Variants in AFAP1L2 observed in about 807,000 individuals in gnomAD.
AFAP1L2 encodes actin filament associated protein 1 like 2, also known as actin filament-associated protein 1-like 2.
AFAP1L2 carries 46 observed loss-of-function variants against 99.3 expected under a neutral mutation model. The observed-to-expected ratio is 0.46, with a 90% CI of 0.37 to 0.59. The LOEUF is 0.59. Ranked by LOEUF, AFAP1L2 falls within the 20% of genes least tolerant of loss-of-function variation. The pLI is 0.00. For synonymous variants in AFAP1L2, 397 were observed against 419.1 expected (o/e 0.95, Z 0.64); for missense variants, 959 against 1,034.9 (o/e 0.93, Z 1.01).
chr10:114,302,166 T>C (rs2041310457), intron 12 of AFAP1L2, 173 bp downstream of exon 12: 2 of 989,096 alleles, frequency 2.0e-6, no homozygotes, highest in Admixed American at 2.3e-5. Flanking sequence ...GCTCAGCTCC[T>C]GGCTCTTGGC....
chr10:114,359,149 G>T (rs4144104), intron 1 of AFAP1L2, among the ~76,000 whole-genome samples: 134,533 of 152,218 alleles, frequency 0.88, 61,162 homozygotes, highest in East Asian at 1. Flanking sequence ...AGACCACTGT[G>T]ATTAGGATTC....
In AFAP1L2 at chr10:114,304,895, A is replaced by C. The variant is rs1349253253; in HGVS notation, c.1108T>G (p.Ser370Ala). 1 of 1,613,268 alleles carries C rather than the reference A, an allele frequency of 6.2e-7. No homozygotes were observed. The highest frequency in any genetic ancestry group is 8.5e-7 in the Non-Finnish European group (1 of 1,180,000). The change falls in exon 11 of 19, where the codon TCT becomes GCT. Residue 370 changes from serine (S) to alanine (A), a missense_variant. Physicochemically the swap from Ser to Ala is moderately conservative, Grantham distance 99. Coordinates refer to ENST00000304129, the MANE Select transcript of AFAP1L2 (RefSeq NM_001001936.3). Reference sequence around the variant, plus strand: ...TTGTCCCTGACAGAGCACCAGCGAGACTTCCACTGGCTGTTCACCAGCACG... The same window carrying C: ...TTGTCCCTGACAGAGCACCAGCGAGCCTTCCACTGGCTGTTCACCAGCACG... ...LNVLVNSQWKSRWCSVRDNHL... is the reference protein window; with the variant it reads ...LNVLVNSQWKARWCSVRDNHL...
At chr10:114,305,764 C>T (rs1489779475) in intron 10 of AFAP1L2, among the ~76,000 whole-genome samples, 1 of 31,976 alleles carries the variant, frequency 3.1e-5, no homozygotes, top group Non-Finnish European at 5.8e-5. Flanking sequence ...ACGTACAGGA[C>T]TGGTCGGGGC....
chr10:114,332,929 T>C (rs1381141521), intron 3 of AFAP1L2, among the ~76,000 whole-genome samples: 2 of 152,240 alleles, frequency 1.3e-5, no homozygotes, highest in Non-Finnish European at 2.9e-5. Flanking sequence ...ACAGCTGCTT[T>C]CTTCGAACAT....
intron 1 of AFAP1L2, among the ~76,000 whole-genome samples, chr10:114,366,761 T>A (rs767011645): frequency 7.9e-5 from 12 of 151,746 alleles, no homozygotes; most frequent in Admixed American, 1.3e-4. Context: ...AGGTCAGGAG[T>A]TCAAGACCAG....
At chr10:114,403,098 A>G (rs2058376833) in intron 1 of AFAP1L2, among the ~76,000 whole-genome samples, 1 of 152,344 alleles carries the variant, frequency 6.6e-6, no homozygotes. Flanking sequence ...ACGTGATCCC[A>G]GTAGAATTTG....
intron 7 of AFAP1L2, among the ~76,000 whole-genome samples, chr10:114,313,413 A>C (rs1194893855): frequency 6.6e-6 from 1 of 151,818 alleles, no homozygotes; most frequent in Non-Finnish European, 1.5e-5. Context: ...CTGAGAACCA[A>C]TGCTGCCACC....
chr10:114,297,261 T>C lies in AFAP1L2; in HGVS notation c.2266A>G (p.Thr756Ala), dbSNP rs1296768290. The change falls in exon 17 of 19, where the codon ACC (threonine) becomes GCC (alanine). Residue 756 changes from threonine (T) to alanine (A), a missense_variant. By Grantham distance (58) the Thr-to-Ala change is moderately conservative. Coordinates refer to ENST00000304129, the MANE Select transcript of AFAP1L2 (RefSeq NM_001001936.3). ...KAEAGPVTLG[T>A]TVDTTHLENV... ...TCCAGGTGGGTGGTGTCCACGGTGG[T>C]GCCTAACGTCACAGGCCCTGCCTCA... 1 of 1,610,668 alleles carries C rather than the reference T, an allele frequency of 6.2e-7. No homozygotes were observed.
At chr10:114,378,966 C>T (rs184947700) in intron 1 of AFAP1L2, among the ~76,000 whole-genome samples, 36 of 152,286 alleles carry the variant, frequency 2.4e-4, no homozygotes, top group African/African-American at 7.9e-4. Context: ...AATCCCAGTA[C>T]TCTGGGAGGC....
At chr10:114,361,444 C>G (rs1041368649) in intron 1 of AFAP1L2, among the ~76,000 whole-genome samples, 7 of 152,166 alleles carry the variant, frequency 4.6e-5, no homozygotes, top group African/African-American at 1.7e-4. Flanking sequence ...TGTTCCCAAA[C>G]TCCGGGCACC....
intron 10 of AFAP1L2, chr10:114,305,213 G>C: frequency 3.0e-6 from 1 of 327,992 alleles, no homozygotes; most frequent in Non-Finnish European, 5.7e-6. Context: ...GGGGCTGCGG[G>C]AGGGCATGCA....
the AFAP1L2 span, chr10:114,288,793 A>G: frequency 1.3e-6 from 1 of 775,812 alleles, no homozygotes; most frequent in African/African-American, 1.7e-5. Flanking sequence ...TTCTGTGGCT[A>G]AAAGGAAGAC....
intron 2 of AFAP1L2, among the ~76,000 whole-genome samples, chr10:114,337,979 G>T (rs973522045): frequency 6.6e-6 from 1 of 152,192 alleles, no homozygotes; most frequent in Admixed American, 6.5e-5. Context: ...AGCACTCCCG[G>T]CGGCAGGCGG....
downstream of AFAP1L2, chr10:114,290,166 C>T: frequency 3.9e-6 from 6 of 1,528,642 alleles, no homozygotes; most frequent in Non-Finnish European, 5.3e-6. Context: ...CTCTACTGGG[C>T]TTACTTAGGG....
intron 5 of AFAP1L2, among the ~76,000 whole-genome samples, chr10:114,320,367 G>A (rs1338739468): frequency 1.3e-5 from 2 of 152,176 alleles, no homozygotes; most frequent in Non-Finnish European, 2.9e-5. Flanking sequence ...CGCTATGGCC[G>A]CCAACTATAG....
At chr10:114,351,543 G>A (rs1479924982) in intron 1 of AFAP1L2, among the ~76,000 whole-genome samples, 1 of 152,166 alleles carries the variant, frequency 6.6e-6, no homozygotes, top group Admixed American at 6.5e-5. Flanking sequence ...GCAATCCAAA[G>A]TGACCACCAC....
chr10:114,376,915 C>T (rs2054883556), intron 1 of AFAP1L2, among the ~76,000 whole-genome samples: 1 of 152,144 alleles, frequency 6.6e-6, no homozygotes, highest in Non-Finnish European at 1.5e-5. Context: ...TCACCACCCA[C>T]AGAGCCATGA....
At chr10:114,373,127 C>T (rs1309519994) in intron 1 of AFAP1L2, among the ~76,000 whole-genome samples, 1 of 152,142 alleles carries the variant, frequency 6.6e-6, no homozygotes, top group East Asian at 1.9e-4. Flanking sequence ...CCTGTGGTCC[C>T]AGCTACTCAG....
intron 1 of AFAP1L2, chr10:114,363,209 C>G: frequency 1.0e-6 from 1 of 980,460 alleles, no homozygotes; most frequent in Non-Finnish European, 1.2e-6. Flanking sequence ...GAAATGTATG[C>G]TGGACTTAGA....
Sources: gnomAD v4.1 joint callset for allele counts (sites outside exome capture counted in the v4.1 genomes callset) on GRCh38, gnomAD v4.1.1 for gene constraint, MANE v1.5 for transcripts, NCBI Gene and HGNC (gene_info 2026-07-23, HGNC 2026-07-21) for gene names.